APC: variants seen among roughly 807,000 people sequenced by gnomAD.
APC encodes the protein APC regulator of Wnt signaling pathway.
APC carries 72 observed loss-of-function variants against 247.0 expected under a neutral mutation model. That is an observed-to-expected ratio of 0.29 (90% CI 0.24 to 0.35). The LOEUF (loss-of-function observed/expected upper bound fraction) is 0.35, where lower values mean the gene tolerates loss of function less well. Among genes scored for constraint, APC ranks in the 10% least tolerant of loss-of-function variants. The pLI, the probability that APC is intolerant of heterozygous loss-of-function variation, is 1.00. For missense variants in APC, 3,400 were observed against 3,360.7 expected, an observed-to-expected ratio of 1.01 and a Z score of -0.29; for synonymous variants, 1,254 against 1,162.5, an observed-to-expected ratio of 1.08 and a Z score of -1.60.
At chr5:112,752,530 T>G (rs1391673931) in intron 1 of APC, among the ~76,000 whole-genome samples, 1 of 152,202 alleles carries the variant, frequency 6.6e-6, no homozygotes, top group Admixed American at 6.5e-5. Context: ...TTGAGAGGTT[T>G]GCATGCTCTC....
chr5:112,727,342 C>A (rs1176294479), intron 1 of APC, among the ~76,000 whole-genome samples: 1 of 152,050 alleles, frequency 6.6e-6, no homozygotes, highest in Non-Finnish European at 1.5e-5. Context: ...AATGGTATAG[C>A]ATTAGGCAAT....
chr5:112,755,919 G>A (rs918131620), intron 2 of APC, among the ~76,000 whole-genome samples: 2 of 151,406 alleles, frequency 1.3e-5, no homozygotes, highest in Non-Finnish European at 1.5e-5. Context: ...AGACCTGCCT[G>A]GGCAATATAG....
At chr5:112,731,839 G>A (rs1464739629) in intron 1 of APC, among the ~76,000 whole-genome samples, 1 of 152,156 alleles carries the variant, frequency 6.6e-6, no homozygotes, top group African/African-American at 2.4e-5. Flanking sequence ...TCTGTTCACT[G>A]CAGCCTCTGC....
intron 6 of APC, among the ~76,000 whole-genome samples, chr5:112,783,458 AAT>A (rs1235259088): frequency 2.0e-5 from 3 of 152,080 alleles, no homozygotes; most frequent in African/African-American, 7.2e-5. Flanking sequence ...TAAGAGATTT[AAT>A]ATCCCTACTC....
In APC at chr5:112,838,346, G is replaced by A. The variant is rs1765256327; in HGVS notation, c.2752G>A (p.Glu918Lys). 1.2e-6 allele frequency: 2 copies of A among 1,614,180 alleles called. No individual in the cohort carries two copies. The highest frequency in any genetic ancestry group is 1.1e-5 in the South Asian group (1 of 91,084). ...CACTGAATTACATTGTGTGACAGAT[G>A]AGAGAAATGCACTTAGAAGAAGCTC... ...STTELHCVTDERNALRRSSAA... is the reference protein window; with the variant it reads ...STTELHCVTDKRNALRRSSAA... The change falls in exon 16 of 16, where the codon GAG becomes AAG. Residue 918 changes from glutamate to lysine, a missense_variant. Coordinates refer to ENST00000257430, the MANE Select transcript of APC (RefSeq NM_000038.6).
At chr5:112,777,929 A>G (rs1429323889) in intron 5 of APC, 1 of 190,542 alleles carries the variant, frequency 5.2e-6, no homozygotes, top group Non-Finnish European at 1.2e-5. Flanking sequence ...TGTTTGTGCC[A>G]TCTTTTTCTT....
intron 1 of APC, among the ~76,000 whole-genome samples, chr5:112,744,152 T>C (rs1018264429): frequency 1.3e-5 from 2 of 152,048 alleles, no homozygotes; most frequent in Admixed American, 6.5e-5. Context: ...CTGTAACATA[T>C]CTTTTTATGA....
rs200135470 is a variant in APC at position 112,818,827 on chromosome 5, G to GT, written c.934-133dup. 5.2e-3 allele frequency: 4,493 copies of GT among 865,516 alleles called. 16 individuals are homozygous for GT. The highest frequency in any genetic ancestry group is 0.016 in the East Asian group (526 of 33,702). The allele number at this position is 865,516 out of a possible 1,614,324, so 53.6% of individuals were successfully genotyped here. A position where few individuals can be genotyped will look rare whatever the true frequency, so the allele number is the denominator to read the frequency against. On this transcript the variant is annotated intron_variant, in intron 9 of 15. Transcript: ENST00000257430. Reference sequence around the variant, plus strand: ...TACTTCATCCTGGAAAGGTTTTCCGGTTTTTTGTTTTTTTTTTGGCGGGGG... The same window carrying GT: ...TACTTCATCCTGGAAAGGTTTTCCGGTTTTTTTGTTTTTTTTTTGGCGGGGG...
chr5:112,827,935 C>G lies in APC; in HGVS notation c.1555C>G (p.Leu519Val), dbSNP rs2149813192. The G allele has an allele frequency of 6.2e-7, 1 of 1,613,036 alleles. No individual in the cohort carries two copies. Among genetic ancestry groups the G allele is most frequent in the Non-Finnish European group, 8.5e-7 (1 of 1,179,546 alleles). ...TTCTGTATTTAATTTACAGGCTACG[C>G]TATGCTCTATGAAAGGCTGCATGAG... ...TFGDVANKAT[L>V]CSMKGCMRAL... The change falls in exon 13 of 16, where the codon CTA becomes GTA. Residue 519 changes from leucine to valine, a missense_variant. By Grantham distance (32) the Leu-to-Val change is conservative. Transcript: ENST00000257430.
At chr5:112,830,115 A>G (rs947068100) in intron 14 of APC, among the ~76,000 whole-genome samples, 1 of 151,986 alleles carries the variant, frequency 6.6e-6, no homozygotes, top group Non-Finnish European at 1.5e-5. Flanking sequence ...TTAGTTATGC[A>G]TTTTTGGTAA....
At position 112,840,182 on chromosome 5, in the gene APC, G is replaced by A. The variant is rs1580649974; in HGVS notation, c.4588G>A (p.Glu1530Lys). The A allele has an allele frequency of 6.2e-7, 1 of 1,614,048 alleles. No homozygotes were observed. ...VELRIMPPVQ[E>K]NDNGNETESE... Reference sequence around the variant, plus strand: ...ATTAAGAATAATGCCTCCAGTTCAGGAAAATGACAATGGGAATGAAACAGA... The same window carrying A: ...ATTAAGAATAATGCCTCCAGTTCAGAAAAATGACAATGGGAATGAAACAGA... Residue 1530 changes from glutamate to lysine, a missense_variant, in exon 16 of 16, where the codon GAA (glutamate) becomes AAA (lysine). By Grantham distance (56) the Glu-to-Lys change is moderately conservative. Coordinates refer to ENST00000257430, the MANE Select transcript of APC (RefSeq NM_000038.6). This position sits in a 1 kb window ranked among gnomAD's most constrained non-coding sequence, Gnocchi z 4.1.
intron 1 of APC, among the ~76,000 whole-genome samples, chr5:112,716,101 C>T (rs576361025): frequency 2.0e-5 from 3 of 152,016 alleles, no homozygotes; most frequent in Non-Finnish European, 2.9e-5. Context: ...TTTTCTGTTG[C>T]GTTAATTTCT....
chr5:112,809,341 C>T (rs1561526818), intron 8 of APC, among the ~76,000 whole-genome samples: 1 of 151,734 alleles, frequency 6.6e-6, no homozygotes, highest in Admixed American at 6.6e-5. Context: ...AGAGTGAGAC[C>T]CTGTCTCAAA....
chr5:112,769,207 C>T (rs1580337957), intron 4 of APC, among the ~76,000 whole-genome samples: 2 of 151,718 alleles, frequency 1.3e-5, no homozygotes, highest in South Asian at 2.1e-4. Context: ...CGCCCCACCG[C>T]GTCCGGCTAA....
At chr5:112,759,444 G>A (rs535361530) in intron 2 of APC, among the ~76,000 whole-genome samples, 3 of 143,204 alleles carry the variant, frequency 2.1e-5, no homozygotes, top group East Asian at 2.1e-4. Flanking sequence ...TGCAACCTCC[G>A]CCTCCCGGGT....
chr5:112,819,209 T>C lies in APC; in HGVS notation c.1177T>C (p.Ser393Pro), dbSNP rs1060503352. 3 of 1,613,960 alleles carry C rather than the reference T, an allele frequency of 1.9e-6. No homozygotes were observed. Among genetic ancestry groups the C allele is most frequent in the Non-Finnish European group, 2.5e-6 (3 of 1,179,964 alleles). Residue 393 changes from serine (S) to proline (P), a missense_variant, in exon 10 of 16, where the codon TCA becomes CCA. Transcript: ENST00000257430. ...ASAALHNIIH[S>P]QPDDKRGRRE... ...TGCAGCACTCCACAACATCATTCAC[T>C]CACAGCCTGATGACAAGAGAGGCAG...
rs535989419 is a variant in APC, at chr5:112,798,244, C to T, written c.730-3035C>T. Among the ~76,000 whole-genome samples the T allele has an allele frequency of 1.2e-3, 176 of 152,192 alleles. 2 individuals carry two copies. The highest frequency in any genetic ancestry group is 2.3e-3 in the Non-Finnish European group (153 of 67,994). The stretch of plus-strand genomic sequence containing the variant: ...ATCCCTTCAGTGGAATATTATTCAG[C>T]AATTAAAAGTAAGTTACTGATGCAG... On this transcript the variant is annotated intron_variant, in intron 7 of 15. Coordinates refer to ENST00000257430, the MANE Select transcript of APC (RefSeq NM_000038.6).
intron 7 of APC, among the ~76,000 whole-genome samples, chr5:112,798,492 TA>T (rs1760442159): frequency 6.6e-6 from 1 of 152,348 alleles, no homozygotes; most frequent in Admixed American, 6.5e-5. Context: ...CTGTGCTTGA[TA>T]AATCTAAAAG....
chr5:112,728,125 G>A (rs1242749891), intron 1 of APC, among the ~76,000 whole-genome samples: 2 of 151,436 alleles, frequency 1.3e-5, no homozygotes, highest in Non-Finnish European at 2.9e-5. Flanking sequence ...GTGTTACTGT[G>A]TTTTTTGTTG....
Sources: gnomAD v4.1 joint callset for allele counts (sites outside exome capture counted in the v4.1 genomes callset) on GRCh38, gnomAD v4.1.1 for gene constraint, Gnocchi (gnomAD v3.1) non-coding constraint, MANE v1.5 for transcripts, NCBI Gene and HGNC (gene_info 2026-07-23, HGNC 2026-07-21) for gene names.